NAA60: variants seen among roughly 807,000 people sequenced by gnomAD.
NAA60 encodes N-alpha-acetyltransferase 60, NatF catalytic subunit.
Under a neutral mutation model 26.1 loss-of-function variants are expected in NAA60, and 8 were observed. The ratio of observed to expected loss-of-function variants is 0.31; its 90% CI spans 0.18 to 0.55. NAA60 has a LOEUF of 0.55. Ranked by LOEUF, NAA60 falls within the 20% of genes least tolerant of loss-of-function variation. The pLI is 0.93. For missense variants in NAA60, 290 were observed against 311.3 expected (o/e 0.93, Z 0.51); for synonymous variants, 131 against 122.5 (o/e 1.07, Z -0.46).
chr16:3,485,236 C>T (rs1389913691), intron 7 of NAA60, 175 bp downstream of exon 7: 1 of 664,112 alleles, frequency 1.5e-6, no homozygotes, highest in Admixed American at 2.1e-5. Context: ...CAAGCTAACA[C>T]AGCAGGCTCC....
chr16:3,451,006 C>T (rs1178189996), intron 2 of NAA60, among the ~76,000 whole-genome samples: 1 of 152,166 alleles, frequency 6.6e-6, no homozygotes, highest in Non-Finnish European at 1.5e-5. Context: ...CAGTGTTTAG[C>T]GTATAGCAGA....
intron 1 of NAA60, among the ~76,000 whole-genome samples, chr16:3,446,051 A>C (rs531317801): frequency 6.6e-6 from 1 of 152,358 alleles, no homozygotes; most frequent in East Asian, 1.9e-4. Context: ...CAAAATTTAA[A>C]AATCCTTCCA....
At chr16:3,448,370 A>C in intron 1 of NAA60, 101 bp from the exon 2 acceptor site, 1 of 879,942 alleles carries the variant, frequency 1.1e-6, no homozygotes, top group Non-Finnish European at 1.7e-6. Flanking sequence ...TCAGATTGAT[A>C]CTCTGAGATC....
chr16:3,459,750 G>T (rs1300249526), intron 2 of NAA60, among the ~76,000 whole-genome samples: 1 of 146,878 alleles, frequency 6.8e-6, no homozygotes, highest in Non-Finnish European at 1.5e-5. Context: ...AAAACACACA[G>T]ACAGCTTTTT....
intron 2 of NAA60, among the ~76,000 whole-genome samples, chr16:3,466,115 C>T (rs975938147): frequency 2.0e-5 from 3 of 152,354 alleles, no homozygotes; most frequent in Middle Eastern, 3.4e-3. Flanking sequence ...ACATCGCCAT[C>T]GCGCTTCTCA....
chr16:3,483,255 G>A (rs1337664954), intron 5 of NAA60, 108 bp from the exon 6 acceptor site: 4 of 802,866 alleles, frequency 5.0e-6, no homozygotes, highest in Middle Eastern at 2.2e-4. Flanking sequence ...TCTCTGATAC[G>A]GTGGGCCGAG....
At chr16:3,463,518 C>CTCCA (rs977979135) in intron 2 of NAA60, among the ~76,000 whole-genome samples, 2 of 145,170 alleles carry the variant, frequency 1.4e-5, no homozygotes, top group African/African-American at 5.1e-5. Flanking sequence ...TGCCACTGCA[C>CTCCA]TCCAGCCTGA....
At chr16:3,463,026 C>A (rs976420100) in intron 2 of NAA60, among the ~76,000 whole-genome samples, 1 of 152,106 alleles carries the variant, frequency 6.6e-6, no homozygotes, top group South Asian at 2.1e-4. Context: ...CCTCCCTTGT[C>A]CACAGCCTCC....
At chr16:3,477,137 A>G (rs535850028) in intron 3 of NAA60, among the ~76,000 whole-genome samples, 6 of 152,174 alleles carry the variant, frequency 3.9e-5, no homozygotes, top group Non-Finnish European at 7.3e-5. Context: ...TACAAGATAA[A>G]ATTTTATAAT....
intron 1 of NAA60, among the ~76,000 whole-genome samples, chr16:3,444,083 T>C (rs970347360): frequency 3.3e-5 from 5 of 152,222 alleles, no homozygotes; most frequent in Non-Finnish European, 5.9e-5. Flanking sequence ...TACCCGCAGC[T>C]GCAGCCTAAG....
intron 2 of NAA60, chr16:3,468,047 G>A (rs576943147): frequency 6.6e-5 from 10 of 152,274 alleles, no homozygotes; most frequent in African/African-American, 1.7e-4. Context: ...AGTGACCTGC[G>A]ATCAGTCTGA....
intron 2 of NAA60, among the ~76,000 whole-genome samples, chr16:3,473,727 TG>T (rs2036297968): frequency 6.6e-6 from 1 of 150,448 alleles, no homozygotes. Flanking sequence ...TTGTTGTTGT[TG>T]TTGTTGTTGT....
intron 2 of NAA60, among the ~76,000 whole-genome samples, chr16:3,471,296 T>G (rs1280687782): frequency 6.6e-6 from 1 of 151,956 alleles, no homozygotes; most frequent in Non-Finnish European, 1.5e-5. Context: ...GGTCAGGAGA[T>G]CGAGACCATC....
intron 2 of NAA60, 24 bp from the exon 3 acceptor site, chr16:3,476,198 C>A: frequency 6.5e-7 from 1 of 1,542,544 alleles, no homozygotes; most frequent in Non-Finnish European, 8.9e-7. Flanking sequence ...TGAGGTGACG[C>A]GTCCCCCCCA....
At chr16:3,464,298 C>T (rs765053452) in intron 2 of NAA60, among the ~76,000 whole-genome samples, 1 of 152,168 alleles carries the variant, frequency 6.6e-6, no homozygotes. Flanking sequence ...CAGGTGTGAG[C>T]CACCACGCCC....
At chr16:3,457,732 C>A (rs1477624545) in intron 2 of NAA60, among the ~76,000 whole-genome samples, 1 of 152,222 alleles carries the variant, frequency 6.6e-6, no homozygotes, top group Non-Finnish European at 1.5e-5. Flanking sequence ...CTCGGTAGAG[C>A]CGCGGGACCT....
intron 2 of NAA60, chr16:3,457,946 G>A: frequency 1.0e-6 from 1 of 979,950 alleles, no homozygotes. Flanking sequence ...TGGCGGCAGC[G>A]CCGGCCTCAG....
chr16:3,451,992 A>G (rs1421539774), intron 2 of NAA60, among the ~76,000 whole-genome samples: 1 of 150,268 alleles, frequency 6.7e-6, no homozygotes, highest in Non-Finnish European at 1.5e-5. Flanking sequence ...AGGTGGTCAG[A>G]TCACTTGCAC....
chr16:3,468,941 C>T (rs2035939857), intron 2 of NAA60, among the ~76,000 whole-genome samples: 1 of 152,160 alleles, frequency 6.6e-6, no homozygotes, highest in South Asian at 2.1e-4. Flanking sequence ...CAAAAATTAC[C>T]TGGTTGTGGT....
Sources: allele counts gnomAD v4.1 joint callset (sites outside exome capture counted in the v4.1 genomes callset), GRCh38; gene constraint gnomAD v4.1.1; transcripts MANE v1.5; gene names NCBI Gene and HGNC (gene_info 2026-07-23, HGNC 2026-07-21).